The following BUB1B variants were observed in gnomAD, a reference collection of about 807,000 sequenced individuals.
BUB1B encodes the protein mitotic checkpoint serine/threonine-protein kinase BUB1 beta.
A neutral mutation model predicts 137.7 loss-of-function variants in BUB1B; 86 were observed. The ratio of observed to expected loss-of-function variants is 0.62; its 90% CI spans 0.52 to 0.75. The LOEUF (loss-of-function observed/expected upper bound fraction) is 0.75, where lower values mean the gene tolerates loss of function less well. Among genes scored for constraint, BUB1B ranks in the 30% least tolerant of loss-of-function variants. BUB1B has a pLI of 0.00. For missense variants in BUB1B, 1,130 were observed against 1,236.9 expected (o/e 0.91, Z 1.30); for synonymous variants, 420 against 417.9 (o/e 1.00, Z -0.06).
intron 8 of BUB1B, among the ~76,000 whole-genome samples, chr15:40,192,439 G>GT (rs562094693): frequency 5.3e-5 from 8 of 152,104 alleles, no homozygotes; most frequent in Non-Finnish European, 1.2e-4. Context: ...ACTCTAATGT[G>GT]TTTTACAGTT....
chr15:40,182,018 A>G (rs995333130), intron 5 of BUB1B, among the ~76,000 whole-genome samples: 1 of 152,234 alleles, frequency 6.6e-6, no homozygotes, highest in African/African-American at 2.4e-5. Context: ...AGCCTGGCCA[A>G]TATGGTGAAA....
intron 15 of BUB1B, among the ~76,000 whole-genome samples, 169 bp from the exon 16 acceptor site, chr15:40,208,468 G>A (rs534983913): frequency 1.8e-4 from 27 of 151,894 alleles, no homozygotes; most frequent in Admixed American, 1.4e-3. Flanking sequence ...AACCCGGGAG[G>A]CAGAGGTTGC....
chr15:40,180,782 T>G (rs2037283008), intron 5 of BUB1B, among the ~76,000 whole-genome samples: 1 of 150,772 alleles, frequency 6.6e-6, no homozygotes, highest in Non-Finnish European at 1.5e-5. Flanking sequence ...CCCGAGTAGC[T>G]GGGACTACAG....
At chr15:40,177,449 AT>A (rs1326031608) in intron 5 of BUB1B, among the ~76,000 whole-genome samples, 1 of 152,048 alleles carries the variant, frequency 6.6e-6, no homozygotes, top group African/African-American at 2.4e-5. Context: ...ATTAATGTTC[AT>A]TTGTTCCAAT....
At chr15:40,190,793 AAT>A (rs1393209263) in intron 8 of BUB1B, among the ~76,000 whole-genome samples, 1 of 152,176 alleles carries the variant, frequency 6.6e-6, no homozygotes, top group Non-Finnish European at 1.5e-5. Flanking sequence ...CTAAGTGACT[AAT>A]ATGTGGATGC....
Position 40,213,372 on chromosome 15 carries a change from C to T in BUB1B, c.2576C>T (p.Thr859Ile), listed in dbSNP as rs1431935093. 1.2e-6 allele frequency: 2 copies of T among 1,613,580 alleles called. No homozygotes were observed. The highest frequency in any genetic ancestry group is 8.5e-7 in the Non-Finnish European group (1 of 1,179,538). The change falls in exon 20 of 23, where the codon ACA becomes ATA. Residue 859 changes from threonine (T) to isoleucine (I), a missense_variant. Thr to Ile is a moderately conservative substitution (Grantham distance 89). Transcript: ENST00000287598. ...AGTGAATATATTACCCATGAAATAA[C>T]AGTGTTGATTATTTATAACCTTTTG... The part of the protein sequence containing the change: ...QHSEYITHEI[T>I]VLIIYNLLTI...
At chr15:40,216,541 T>C (rs2037786036) in intron 20 of BUB1B, among the ~76,000 whole-genome samples, 1 of 130,392 alleles carries the variant, frequency 7.7e-6, no homozygotes, top group Non-Finnish European at 1.6e-5. Context: ...TATAACTATA[T>C]ATATACTATA....
intron 5 of BUB1B, among the ~76,000 whole-genome samples, chr15:40,181,542 A>G (rs571867747): frequency 5.8e-4 from 88 of 152,210 alleles, no homozygotes; most frequent in African/African-American, 2.0e-3. Context: ...TCTCTCTGAG[A>G]CTTCAGTTGC....
chr15:40,209,580 T>G, intron 16 of BUB1B, 55 bp from the exon 17 acceptor site: 3 of 1,608,614 alleles, frequency 1.9e-6, no homozygotes, highest in Non-Finnish European at 2.6e-6. Flanking sequence ...AATATCCATT[T>G]TAAGCATTAG....
At chr15:40,203,568 G>GA (rs376892808) in intron 14 of BUB1B, among the ~76,000 whole-genome samples, 32 of 152,242 alleles carry the variant, frequency 2.1e-4, no homozygotes, top group Middle Eastern at 3.4e-3. Flanking sequence ...TATAAGTAGG[G>GA]AAAAATCACT....
rs369322207 is a variant in BUB1B at position 40,213,487 on chromosome 15, C to G, written c.2678+13C>G. Reference sequence around the variant, plus strand: ...TTCTCAGAAACAGGTTGGTCCTTTTCATTCTTATAATTCTGCCAGCTGTCT... The same window carrying G: ...TTCTCAGAAACAGGTTGGTCCTTTTGATTCTTATAATTCTGCCAGCTGTCT... On this transcript the variant is annotated intron_variant, in intron 20 of 22. Transcript: ENST00000287598. 9 of 1,613,630 alleles carry G rather than the reference C, an allele frequency of 5.6e-6. No homozygotes were observed. The highest frequency in any genetic ancestry group is 6.8e-6 in the Non-Finnish European group (8 of 1,179,860).
Position 40,183,777 on chromosome 15 carries a change from A to G in BUB1B, c.645A>G (p.Glu215=), listed in dbSNP as rs773163513. The G allele has an allele frequency of 5.0e-6, 8 of 1,614,102 alleles. No individual in the cohort carries two copies. The highest frequency in any genetic ancestry group is 6.8e-6 in the Non-Finnish European group (8 of 1,179,978). Residue 215 remains glutamate, a synonymous_variant, in exon 6 of 23, where the codon GAA becomes GAG. Transcript: ENST00000287598. ...CACTTGAGAAAGAAGAAGAGGAGGA[A>G]GTTTTTGAGTCTTCTGTACCACAAC... ...LLALEKEEEE[E]VFESSVPQRS... is the part of the protein sequence containing the mutation.
At chr15:40,192,931 A>C (rs959527368) in intron 8 of BUB1B, among the ~76,000 whole-genome samples, 1 of 152,206 alleles carries the variant, frequency 6.6e-6, no homozygotes, top group African/African-American at 2.4e-5. Flanking sequence ...GGCTCACTGC[A>C]GTCCTGACTC....
chr15:40,216,662 T>C (rs1439308482), intron 20 of BUB1B, among the ~76,000 whole-genome samples: 1 of 150,124 alleles, frequency 6.7e-6, no homozygotes, highest in South Asian at 2.1e-4. Context: ...ATTATCAATT[T>C]TAAAGTAAAA....
At chr15:40,173,425 A>G (rs2037189023) in intron 4 of BUB1B, among the ~76,000 whole-genome samples, 1 of 151,202 alleles carries the variant, frequency 6.6e-6, no homozygotes, top group Admixed American at 6.6e-5. Context: ...TTATCTGTTT[A>G]TTTTTGATAA....
intron 8 of BUB1B, among the ~76,000 whole-genome samples, chr15:40,188,398 C>T (rs2037394959): frequency 6.6e-6 from 1 of 151,928 alleles, no homozygotes; most frequent in Non-Finnish European, 1.5e-5. Flanking sequence ...GACCTCTCCA[C>T]ACATTTTTCT....
chr15:40,166,859 C>T (rs931246911), intron 2 of BUB1B, among the ~76,000 whole-genome samples: 1 of 152,084 alleles, frequency 6.6e-6, no homozygotes, highest in Non-Finnish European at 1.5e-5. Flanking sequence ...TGTCTCATTA[C>T]TTTGCATTTC....
chr15:40,168,740 T>A (rs7181092), intron 2 of BUB1B, among the ~76,000 whole-genome samples: 1,890 of 152,310 alleles, frequency 0.012, 43 homozygotes, highest in African/African-American at 0.043. Flanking sequence ...CTCCATTTGC[T>A]CTCGGTACTG....
intron 5 of BUB1B, among the ~76,000 whole-genome samples, chr15:40,183,065 T>C (rs2037313513): frequency 6.6e-6 from 1 of 152,080 alleles, no homozygotes; most frequent in Non-Finnish European, 1.5e-5. Flanking sequence ...TATTCTGGGT[T>C]TTTTGGGGTT....
Sources: gnomAD v4.1 joint callset for allele counts (sites outside exome capture counted in the v4.1 genomes callset) on GRCh38, gnomAD v4.1.1 for gene constraint, MANE v1.5 for transcripts, NCBI Gene and HGNC (gene_info 2026-07-23, HGNC 2026-07-21) for gene names.